Variants in SDK2 observed in about 807,000 individuals in gnomAD.
The protein encoded by SDK2 is sidekick cell adhesion molecule 2, also known as protein sidekick-2.
Under a neutral mutation model 253.9 loss-of-function variants are expected in SDK2, and 105 were observed. The ratio of observed to expected loss-of-function variants is 0.41; its 90% CI spans 0.35 to 0.49. The LOEUF is 0.49. SDK2 is among the 20% of genes least tolerant of loss of function. The pLI is 0.06. For synonymous variants in SDK2, 1,249 were observed against 1,234.9 expected (o/e 1.01, Z -0.24); for missense variants, 2,608 against 3,003.0 (o/e 0.87, Z 3.07).
At chr17:73,520,025 T>C (rs1399412590) in intron 1 of SDK2, 2 of 152,246 alleles carry the variant, frequency 1.3e-5, no homozygotes, top group African/African-American at 4.8e-5. Flanking sequence ...TTATCATAAA[T>C]AATAACACCA....
chr17:73,544,165 C>T (rs2044917970), intron 1 of SDK2, among the ~76,000 whole-genome samples: 1 of 152,236 alleles, frequency 6.6e-6, no homozygotes, highest in Non-Finnish European at 1.5e-5. Flanking sequence ...CTTTCCACAT[C>T]CTTTGCCTTC....
chr17:73,459,363 G>T (rs986564073), intron 3 of SDK2, among the ~76,000 whole-genome samples: 1 of 152,154 alleles, frequency 6.6e-6, no homozygotes, highest in African/African-American at 2.4e-5. Context: ...CTGGACTCAA[G>T]GTTCTTCCCT....
At chr17:73,621,875 A>G (rs2046137372) in intron 1 of SDK2, among the ~76,000 whole-genome samples, 1 of 152,222 alleles carries the variant, frequency 6.6e-6, no homozygotes, top group Non-Finnish European at 1.5e-5. Flanking sequence ...AAAAGTTTGA[A>G]GAAATAATGG....
chr17:73,511,639 G>T lies in SDK2; in HGVS notation c.65-4042C>A, dbSNP rs895984073. Among the ~76,000 whole-genome samples, 3 of 152,282 alleles carry T rather than the reference G, an allele frequency of 2.0e-5. No individual in the cohort carries two copies. The highest frequency in any genetic ancestry group is 7.2e-5 in the African/African-American group (3 of 41,570). On this transcript the variant is annotated intron_variant, in intron 1 of 44. Transcript: ENST00000392650. The surrounding 1 kb of genome is among the most constrained non-coding windows in gnomAD (Gnocchi z 4.9). Reference sequence around the variant, plus strand: ...CCCTCGCCTCCTGTGGTCCTCACAAGGTTCCTCTCCCCAAGCTCCTGCGGT... The same window carrying T: ...CCCTCGCCTCCTGTGGTCCTCACAATGTTCCTCTCCCCAAGCTCCTGCGGT...
chr17:73,643,606 GC>G lies in SDK2; in HGVS notation c.64+418del, dbSNP rs1345788480. Reference sequence around the variant, plus strand: ...GGAGGCCATCGCCTGCCCGGCAGGGGCCCTGCCCTTCCCCGCAGACACCGAG... The same window carrying G: ...GGAGGCCATCGCCTGCCCGGCAGGGGCCTGCCCTTCCCCGCAGACACCGAG... On this transcript the variant is annotated intron_variant, in intron 1 of 44. Transcript: ENST00000392650. This position sits in a 1 kb window ranked among gnomAD's most constrained non-coding sequence, Gnocchi z 6.9. Among the ~76,000 whole-genome samples the G allele has an allele frequency of 2.6e-5, 4 of 152,102 alleles. No homozygotes were observed. The highest frequency in any genetic ancestry group is 5.9e-5 in the Non-Finnish European group (4 of 67,988).
rs548589952 is a variant in SDK2, at chr17:73,337,020, C to G, written c.*1567G>C. 2.6e-5 allele frequency: 4 copies of G among 152,188 alleles called. No homozygotes were observed. Among genetic ancestry groups the G allele is most frequent in the Non-Finnish European group, 5.9e-5 (4 of 68,132 alleles). 9.4% of individuals were successfully genotyped at this position (152,188 alleles called of 1,614,324 possible). On this transcript the variant is annotated 3_prime_UTR_variant, in exon 45 of 45. Coordinates refer to ENST00000392650, the MANE Select transcript of SDK2 (RefSeq NM_001144952.2). ...CCTGGCCACTGGATGTGGCTTTTTGCAGAACACTCCTTGGAGCAGATTGTG... is the reference window on the plus strand; with the variant it reads ...CCTGGCCACTGGATGTGGCTTTTTGGAGAACACTCCTTGGAGCAGATTGTG...
intron 1 of SDK2, among the ~76,000 whole-genome samples, chr17:73,636,702 A>G (rs555295654): frequency 2.9e-4 from 29 of 100,006 alleles, no homozygotes; most frequent in African/African-American, 7.4e-4. Context: ...AAAAAAAAAA[A>G]AAAAGAAAAG....
chr17:73,566,384 C>T (rs1250917958), intron 1 of SDK2, among the ~76,000 whole-genome samples: 2 of 148,344 alleles, frequency 1.3e-5, no homozygotes, highest in African/African-American at 5.1e-5. Context: ...TCCTTTACAG[C>T]AATGCAAACA....
intron 18 of SDK2, among the ~76,000 whole-genome samples, chr17:73,413,094 C>G (rs971864934): frequency 3.9e-5 from 6 of 152,230 alleles, no homozygotes; most frequent in East Asian, 3.9e-4. Context: ...AGGAGGTGAG[C>G]GGCAGGCAAG....
Position 73,394,311 on chromosome 17 carries a change from G to C in SDK2, c.3606C>G (p.Gly1202=), listed in dbSNP as rs756633246. 2 of 1,584,970 alleles carry C rather than the reference G, an allele frequency of 1.3e-6. No homozygotes were observed. Among genetic ancestry groups the C allele is most frequent in the South Asian group, 1.2e-5 (1 of 86,922 alleles). Residue 1202 remains glycine (G), a synonymous_variant, in exon 26 of 45, where the codon GGC becomes GGG. Transcript: ENST00000392650. ...GRTRESVPSS[G]PTNVSALATT... ...TGGCCAGTGCAGACACATTGGTGGG[G>C]CCGGAAGAGGGAACTGTGGGGGAAA...
rs966320748 is a variant in SDK2, at chr17:73,643,410, C to T, written c.64+615G>A. Among the ~76,000 whole-genome samples the T allele has an allele frequency of 6.6e-6, 1 of 152,086 alleles. No homozygotes were observed. The highest frequency in any genetic ancestry group is 1.5e-5 in the Non-Finnish European group (1 of 68,000). On this transcript the variant is annotated intron_variant, in intron 1 of 44. Transcript: ENST00000392650. The surrounding 1 kb of genome is among the most constrained non-coding windows in gnomAD (Gnocchi z 6.9). ...TGTGCACCACCCCCCGGTGGGTCCGCGGCTGCACCCGCGACCTTGGCTCCA... is the reference window on the plus strand; with the variant it reads ...TGTGCACCACCCCCCGGTGGGTCCGTGGCTGCACCCGCGACCTTGGCTCCA...
intron 1 of SDK2, among the ~76,000 whole-genome samples, chr17:73,539,877 A>G (rs2044838073): frequency 6.6e-6 from 1 of 152,038 alleles, no homozygotes; most frequent in African/African-American, 2.4e-5. Flanking sequence ...GAGCTGGGGT[A>G]CCCAGGATGG....
chr17:73,390,410 C>T lies in SDK2; in HGVS notation c.4069G>A (p.Ala1357Thr), dbSNP rs201007116. Reference sequence around the variant, plus strand: ...AGGCCCGTGGCTGTGTACTGCCGGGCGCTGGGTGCCAGCACCTCCACAGTG... The same window carrying T: ...AGGCCCGTGGCTGTGTACTGCCGGGTGCTGGGTGCCAGCACCTCCACAGTG... ...TATVEVLAPS[A>T]RQYTATGLKP... is the part of the protein sequence containing the mutation. Residue 1357 changes from alanine to threonine, a missense_variant, in exon 29 of 45, where the codon GCC (alanine) becomes ACC (threonine). Ala to Thr is a moderately conservative substitution (Grantham distance 58, BLOSUM62 0). Transcript: ENST00000392650. The T allele has an allele frequency of 3.4e-5, 55 of 1,612,748 alleles. No homozygotes were observed. Among genetic ancestry groups the T allele is most frequent in the Admixed American group, 1.5e-4 (9 of 59,864 alleles).
chr17:73,341,981 G>C (rs1253667493), intron 44 of SDK2, among the ~76,000 whole-genome samples: 1 of 151,996 alleles, frequency 6.6e-6, no homozygotes, highest in East Asian at 1.9e-4. Flanking sequence ...ATCCGGCCGG[G>C]CTTGAACTCC....
At chr17:73,442,624 AGCCACCACGCCTGGCCAACTCCTGCGG>A (rs1364279110) in intron 5 of SDK2, among the ~76,000 whole-genome samples, 4 of 152,146 alleles carry the variant, frequency 2.6e-5, no homozygotes, top group Non-Finnish European at 5.9e-5. Context: ...TATGGGTGTG[AGCCACCACGCCTGGCCAACTCCTGCGG>A]TCTTGACGAC....
intron 3 of SDK2, among the ~76,000 whole-genome samples, chr17:73,470,638 C>T (rs1279705270): frequency 1.3e-5 from 2 of 152,230 alleles, no homozygotes; most frequent in Admixed American, 6.5e-5. Flanking sequence ...GGGGACAATC[C>T]ATCCTCCACT....
chr17:73,624,060 T>TC (rs1294045074), intron 1 of SDK2, among the ~76,000 whole-genome samples: 1 of 151,952 alleles, frequency 6.6e-6, no homozygotes, highest in Non-Finnish European at 1.5e-5. Flanking sequence ...CCCTCCCAGG[T>TC]CCCCCTCACT....
At chr17:73,524,291 T>C (rs1330130913) in intron 1 of SDK2, among the ~76,000 whole-genome samples, 1 of 152,148 alleles carries the variant, frequency 6.6e-6, no homozygotes, top group Non-Finnish European at 1.5e-5. Flanking sequence ...TGATAGGTCC[T>C]TTCCAACCCC....
chr17:73,537,123 G>A (rs1042940573), intron 1 of SDK2, among the ~76,000 whole-genome samples: 1 of 152,100 alleles, frequency 6.6e-6, no homozygotes, highest in Non-Finnish European at 1.5e-5. Context: ...GTGCGTGTGC[G>A]GGCGCGCATC....
Sources: gnomAD v4.1 joint callset for allele counts (sites outside exome capture counted in the v4.1 genomes callset) on GRCh38, gnomAD v4.1.1 for gene constraint, Gnocchi (gnomAD v3.1) non-coding constraint, MANE v1.5 for transcripts, NCBI Gene and HGNC (gene_info 2026-07-23, HGNC 2026-07-21) for gene names.